Variants in BARD1 observed in about 807,000 individuals in gnomAD.
The protein encoded by BARD1 is BRCA1-associated RING domain protein 1.
In BARD1, 73 loss-of-function variants were observed where a neutral mutation model predicts 77.0. The ratio of observed to expected loss-of-function variants is 0.95; its 90% CI spans 0.79 to 1.15. BARD1 has a LOEUF of 1.15. Ranked by LOEUF, BARD1 falls within the 50% of genes most tolerant of loss-of-function variation. BARD1 has a pLI of 0.00. For missense variants in BARD1, 993 were observed against 938.8 expected (o/e 1.06, Z -0.75); for synonymous variants, 384 against 338.0 (o/e 1.14, Z -1.49).
rs1693797974 is a variant in BARD1, at chr2:214,758,370, A to G, written c.1569-5815T>C. ...AGTACCTAGCATATATGAACAGCTCAATAACTGCCATTATATTACTGTATT... is the reference window on the plus strand; with the variant it reads ...AGTACCTAGCATATATGAACAGCTCGATAACTGCCATTATATTACTGTATT... On this transcript the variant is annotated intron_variant, in intron 6 of 10. Coordinates refer to ENST00000260947, the MANE Select transcript of BARD1 (RefSeq NM_000465.4). Among the ~76,000 whole-genome samples, 6 of 152,228 alleles carry G rather than the reference A, an allele frequency of 3.9e-5. No homozygotes were observed. The South Asian group carries it at 1.2e-3, about 32-fold the overall frequency.
At chr2:214,774,993 T>C (rs536563586) in intron 4 of BARD1, among the ~76,000 whole-genome samples, 2 of 152,358 alleles carry the variant, frequency 1.3e-5, no homozygotes, top group South Asian at 4.1e-4. Flanking sequence ...TTTAGGATCT[T>C]GCTCTGGAGT....
At chr2:214,765,539 G>T (rs1694156002) in intron 6 of BARD1, among the ~76,000 whole-genome samples, 2 of 152,176 alleles carry the variant, frequency 1.3e-5, no homozygotes, top group Admixed American at 1.3e-4. Flanking sequence ...ATAAAAGCTA[G>T]ATTCCCTAAC....
intron 3 of BARD1, 99 bp downstream of exon 3, chr2:214,792,198 T>C (rs1269356817): frequency 1.7e-6 from 2 of 1,152,602 alleles, no homozygotes; most frequent in Non-Finnish European, 2.4e-6. Context: ...GAAATACGTA[T>C]TCCAGAACTC....
chr2:214,759,200 A>G (rs919118293), intron 6 of BARD1, among the ~76,000 whole-genome samples: 1 of 152,200 alleles, frequency 6.6e-6, no homozygotes, highest in Non-Finnish European at 1.5e-5. Context: ...CCAATGGTCC[A>G]TGTAATATTT....
intron 4 of BARD1, among the ~76,000 whole-genome samples, chr2:214,777,678 G>A (rs1160689961): frequency 6.6e-6 from 1 of 152,122 alleles, no homozygotes; most frequent in Admixed American, 6.5e-5. Flanking sequence ...CTGCCTTAAA[G>A]GTCACCAAAA....
In BARD1 at chr2:214,730,452, G is replaced by C. The variant is rs876658741; in HGVS notation, c.1960C>G (p.Pro654Ala). Residue 654 changes from proline (P) to alanine (A), a missense_variant, in exon 10 of 11, where the codon CCT (proline) becomes GCT (alanine). Pro to Ala is a conservative substitution (Grantham distance 27). Coordinates refer to ENST00000260947, the MANE Select transcript of BARD1 (RefSeq NM_000465.4). ...AGCCTGCTTCTGCGTGGACCTTCAGGAATTTCATACTTTTCTTCCTGTTCA... is the reference window on the plus strand; with the variant it reads ...AGCCTGCTTCTGCGTGGACCTTCAGCAATTTCATACTTTTCTTCCTGTTCA... ...VCEQEEKYEIPEGPRRSRLNR... is the reference protein window; with the variant it reads ...VCEQEEKYEIAEGPRRSRLNR... 1 of 1,613,704 alleles carries C rather than the reference G, an allele frequency of 6.2e-7. No homozygotes were observed. The highest frequency in any genetic ancestry group is 1.7e-5 in the Admixed American group (1 of 59,998).
chr2:214,784,675 C>T (rs541701348), intron 3 of BARD1, among the ~76,000 whole-genome samples: 1 of 152,302 alleles, frequency 6.6e-6, no homozygotes, highest in South Asian at 2.1e-4. Flanking sequence ...GGCACATATA[C>T]ACCATGGAAT....
intron 1 of BARD1, among the ~76,000 whole-genome samples, chr2:214,801,859 G>C (rs1054487913): frequency 2.8e-5 from 4 of 142,006 alleles, no homozygotes; most frequent in African/African-American, 7.7e-5. Context: ...CGGGGGGGGG[G>C]GTTGTTTTTG....
At chr2:214,760,033 T>C (rs1229705549) in intron 6 of BARD1, among the ~76,000 whole-genome samples, 1 of 152,198 alleles carries the variant, frequency 6.6e-6, no homozygotes, top group African/African-American at 2.4e-5. Flanking sequence ...ACACATTCAA[T>C]GTCTAACTTA....
Position 214,791,482 on chromosome 2 carries a change from G to C in BARD1, c.364+815C>G, listed in dbSNP as rs1268196775. Among the ~76,000 whole-genome samples the C allele has an allele frequency of 3.9e-5, 6 of 152,112 alleles. No homozygotes were observed. The East Asian group carries it at 9.6e-4, about 24-fold the overall frequency. On this transcript the variant is annotated intron_variant, in intron 3 of 10. Transcript: ENST00000260947. ...ACACACACTAAAATAGCATGATCTG[G>C]TCAATAAAAAGACAACTCTAATATC...
chr2:214,807,082 A>G (rs1322557683), intron 1 of BARD1, among the ~76,000 whole-genome samples: 1 of 152,140 alleles, frequency 6.6e-6, no homozygotes, highest in Non-Finnish European at 1.5e-5. Flanking sequence ...AATAAATAAG[A>G]ACAAAAACTA....
At chr2:214,733,606 T>A (rs1692448069) in intron 9 of BARD1, among the ~76,000 whole-genome samples, 2 of 152,160 alleles carry the variant, frequency 1.3e-5, no homozygotes, top group Admixed American at 1.3e-4. Context: ...ATTCCTGCTG[T>A]TTCCTGTCAC....
rs772577316 is a variant in BARD1, at chr2:214,730,524, G to C, written c.1904-16C>G. On this transcript the variant is annotated splice_polypyrimidine_tract_variant and intron_variant, in intron 9 of 10. Transcript: ENST00000260947. The stretch of plus-strand genomic sequence containing the variant: ...GCTTTTACCCCTGACAAAAACACAA[G>C]AATTAAAGCAAACTAAGTATCAAGT... 6.3e-7 allele frequency: 1 copy of C among 1,593,732 alleles called. No individual in the cohort carries two copies. The highest frequency in any genetic ancestry group is 8.6e-7 in the Non-Finnish European group (1 of 1,161,824).
At chr2:214,751,079 CTGTGTGTGTGTGTGTGTGTGTGTG>C (rs760986670) in intron 7 of BARD1, among the ~76,000 whole-genome samples, 2 of 39,460 alleles carry the variant, frequency 5.1e-5, no homozygotes, top group East Asian at 1.3e-3. Context: ...CTGTGAAATT[CTGTGTGTGTGTGTGTGTGTGTGTG>C]TGTGTGTGTG....
Position 214,730,452 on chromosome 2 carries a change from G to A in BARD1, c.1960C>T (p.Pro654Ser), listed in dbSNP as rs876658741. The A allele has an allele frequency of 1.2e-6, 2 of 1,613,588 alleles. No homozygotes were observed. Among genetic ancestry groups the A allele is most frequent in the Admixed American group, 3.3e-5 (2 of 59,978 alleles). Residue 654 changes from proline to serine, a missense_variant, in exon 10 of 11, where the codon CCT becomes TCT. Pro to Ser is a moderately conservative substitution (Grantham distance 74). Transcript: ENST00000260947. ...AGCCTGCTTCTGCGTGGACCTTCAGGAATTTCATACTTTTCTTCCTGTTCA... is the reference window on the plus strand; with the variant it reads ...AGCCTGCTTCTGCGTGGACCTTCAGAAATTTCATACTTTTCTTCCTGTTCA... ...VCEQEEKYEI[P>S]EGPRRSRLNR...
intron 1 of BARD1, among the ~76,000 whole-genome samples, chr2:214,806,888 A>AAAAAAAAAG (rs1696301188): frequency 6.6e-6 from 1 of 151,364 alleles, no homozygotes. Flanking sequence ...AAAAAAAAAA[A>AAAAAAAAAG]AAAAGGCACC....
At chr2:214,767,069 T>C (rs1202547724) in intron 6 of BARD1, among the ~76,000 whole-genome samples, 2 of 152,178 alleles carry the variant, frequency 1.3e-5, no homozygotes, top group Non-Finnish European at 2.9e-5. Flanking sequence ...AGTGAGAACA[T>C]GCGGTATTTG....
intron 4 of BARD1, among the ~76,000 whole-genome samples, chr2:214,772,460 A>AT (rs1694547837): frequency 6.6e-6 from 1 of 152,216 alleles, no homozygotes; most frequent in Admixed American, 6.5e-5. Context: ...CAAAAAAAAA[A>AT]TATTAAAGAA....
At chr2:214,735,692 C>T (rs1394795324) in intron 9 of BARD1, among the ~76,000 whole-genome samples, 2 of 152,092 alleles carry the variant, frequency 1.3e-5, no homozygotes, top group African/African-American at 4.8e-5. Flanking sequence ...CTTAGTGGTA[C>T]ACAAGATAAA....
Sources: allele counts gnomAD v4.1 joint callset (sites outside exome capture counted in the v4.1 genomes callset), GRCh38; gene constraint gnomAD v4.1.1; transcripts MANE v1.5; gene names NCBI Gene and HGNC (gene_info 2026-07-23, HGNC 2026-07-21).